FBXO43: variants seen among roughly 807,000 people sequenced by gnomAD.
The protein encoded by FBXO43 is F-box only protein 43.
In FBXO43, 22 loss-of-function variants were observed where a neutral mutation model predicts 56.7. The observed-to-expected ratio is 0.39, with a 90% CI of 0.28 to 0.55. The LOEUF is 0.55. Ranked by LOEUF, FBXO43 falls within the 20% of genes least tolerant of loss-of-function variation. FBXO43 has a pLI of 0.66. For missense variants in FBXO43, 733 were observed against 814.9 expected (o/e 0.90, Z 1.22); for synonymous variants, 306 against 294.5 (o/e 1.04, Z -0.40).
rs561005871 is a variant in FBXO43 at position 100,137,615 on chromosome 8, C to A, written c.1624G>T (p.Ala542Ser). 6.2e-7 allele frequency: 1 copy of A among 1,613,026 alleles called. No individual in the cohort carries two copies. The highest frequency in any genetic ancestry group is 1.7e-5 in the Admixed American group (1 of 59,618). Residue 542 changes from alanine to serine, a missense_variant, in exon 3 of 5, where the codon GCA (alanine) becomes TCA (serine). Transcript: ENST00000428847. The stretch of plus-strand genomic sequence containing the variant: ...ATATAAAATTTCCTCCTCCGATTTG[C>A]ATTTTTATCTTGAACAACAATTTCA... ...WREIVVQDKNANRRRKFYITQ... is the reference protein window; with the variant it reads ...WREIVVQDKNSNRRRKFYITQ...
intron 3 of FBXO43, among the ~76,000 whole-genome samples, chr8:100,135,993 CAAT>C (rs1225111430): frequency 1.3e-5 from 2 of 150,664 alleles, no homozygotes; most frequent in East Asian, 3.9e-4. Context: ...GCCAGCACAA[CAAT>C]ATGCTTCTTC....
upstream of FBXO43, among the ~76,000 whole-genome samples, chr8:100,150,182 A>G (rs1814892549): frequency 6.6e-6 from 1 of 152,242 alleles, no homozygotes; most frequent in Non-Finnish European, 1.5e-5. Context: ...CAAAATCAAG[A>G]GAAAGGTAGG....
chr8:100,146,399 C>T (rs541219563), upstream of FBXO43, among the ~76,000 whole-genome samples: 94 of 152,086 alleles, frequency 6.2e-4, no homozygotes, highest in African/African-American at 2.2e-3. Flanking sequence ...GAATTTGAGA[C>T]CAGCCTGGGC....
intron 2 of FBXO43, among the ~76,000 whole-genome samples, 177 bp from the exon 3 acceptor site, chr8:100,137,844 A>G (rs1446436746): frequency 1.3e-5 from 2 of 150,860 alleles, no homozygotes; most frequent in Admixed American, 6.6e-5. Flanking sequence ...AATTCATCAT[A>G]TAAAAGAATT....
chr8:100,139,865 C>A (rs1362080009), intron 2 of FBXO43, among the ~76,000 whole-genome samples: 4 of 152,252 alleles, frequency 2.6e-5, no homozygotes, highest in Admixed American at 1.3e-4. Flanking sequence ...AAAGATCAAA[C>A]CCTAAAATGA....
intron 1 of FBXO43, 71 bp downstream of exon 1, chr8:100,144,980 T>C (rs1161928087): frequency 5.5e-6 from 8 of 1,458,484 alleles, no homozygotes; most frequent in Non-Finnish European, 7.3e-6. Flanking sequence ...AAAAAGCACC[T>C]ACCACATCAG....
At position 100,145,395 on chromosome 8, in the gene FBXO43, T is replaced by C; in HGVS notation, c.-260A>G. 3.0e-6 allele frequency: 1 copy of C among 337,330 alleles called. No individual in the cohort carries two copies. The highest frequency in any genetic ancestry group is 5.4e-6 in the Non-Finnish European group (1 of 186,064). 20.9% of individuals were successfully genotyped at this position (337,330 alleles called of 1,614,324 possible). A position where few individuals can be genotyped will look rare whatever the true frequency, so the allele number is the denominator to read the frequency against. On this transcript the variant is annotated 5_prime_UTR_variant, in exon 1 of 5. Transcript: ENST00000428847. ...TTCGGGTTCCTGAAAAGGCAGCGTGTGCTGCAGCCTGGCACTGACTCCCCC... is the reference window on the plus strand; with the variant it reads ...TTCGGGTTCCTGAAAAGGCAGCGTGCGCTGCAGCCTGGCACTGACTCCCCC...
intron 1 of FBXO43, 73 bp downstream of exon 1, chr8:100,144,978 C>T (rs536109906): frequency 2.8e-6 from 4 of 1,453,792 alleles, no homozygotes; most frequent in Admixed American, 5.6e-5. Context: ...AGAAAAAGCA[C>T]CTACCACATC....
upstream of FBXO43, among the ~76,000 whole-genome samples, chr8:100,146,704 T>G (rs565970053): frequency 6.6e-6 from 1 of 152,176 alleles, no homozygotes; most frequent in Non-Finnish European, 1.5e-5. Flanking sequence ...TACCTCAGCA[T>G]TTTTATTAGT....
intron 3 of FBXO43, chr8:100,137,308 C>T (rs2446921): frequency 0.38 from 105,615 of 276,012 alleles, 20,736 homozygotes; most frequent in East Asian, 0.54. Context: ...GATCCGCCCG[C>T]CTCGGCCTCC....
At chr8:100,143,987 G>T (rs1007218872) in intron 1 of FBXO43, among the ~76,000 whole-genome samples, 1 of 152,188 alleles carries the variant, frequency 6.6e-6, no homozygotes, top group Non-Finnish European at 1.5e-5. Flanking sequence ...GGCCAGGCTG[G>T]TCTCGAACTC....
At position 100,137,583 on chromosome 8, in the gene FBXO43, TTG is replaced by T; in HGVS notation, c.1654_1655del (p.Gln552ThrfsTer6). The T allele has an allele frequency of 6.2e-7, 1 of 1,609,426 alleles. No individual in the cohort carries two copies. ...ACATTACCTCAGAATCTGTTTTCAG[TTG>T]TGTGATATAAAATTTCCTCCTCCGA... ...ANRRRKFYIT[Q>X]LKTDSEGAVL... On this transcript the variant is annotated frameshift_variant, in exon 3 of 5. Coordinates refer to ENST00000428847, the MANE Select transcript of FBXO43 (RefSeq NM_001029860.4). LOFTEE classifies it high-confidence loss of function.
At chr8:100,140,001 C>T (rs969343674) in intron 2 of FBXO43, among the ~76,000 whole-genome samples, 16 of 152,180 alleles carry the variant, frequency 1.1e-4, no homozygotes, top group African/African-American at 3.9e-4. Flanking sequence ...TTTAATACTG[C>T]TTGCAATCTG....
At chr8:100,136,606 C>T (rs1814477375) in intron 3 of FBXO43, among the ~76,000 whole-genome samples, 1 of 152,200 alleles carries the variant, frequency 6.6e-6, no homozygotes, top group Admixed American at 6.5e-5. Context: ...TGATGCTTCA[C>T]AGGTACTGAT....
intron 2 of FBXO43, 134 bp from the exon 3 acceptor site, chr8:100,137,801 A>G (rs763914506): frequency 1.6e-6 from 1 of 640,782 alleles, no homozygotes; most frequent in Non-Finnish European, 2.8e-6. Context: ...TTTACATAAA[A>G]ATGTGACTTG....
chr8:100,146,335 G>C (rs908531709), upstream of FBXO43, among the ~76,000 whole-genome samples: 2 of 152,144 alleles, frequency 1.3e-5, no homozygotes, highest in Non-Finnish European at 2.9e-5. Context: ...AGCCGGGCCT[G>C]GTGGCTCACA....
At chr8:100,147,353 A>G (rs1158670753), upstream of FBXO43, among the ~76,000 whole-genome samples, 3 of 152,236 alleles carry the variant, frequency 2.0e-5, no homozygotes, top group African/African-American at 7.2e-5. Flanking sequence ...TTTGATGTAC[A>G]AGTGGCAATT....
chr8:100,135,057 C>T (rs1814429172), intron 3 of FBXO43, among the ~76,000 whole-genome samples: 1 of 152,126 alleles, frequency 6.6e-6, no homozygotes, highest in Non-Finnish European at 1.5e-5. Context: ...AGAGAAAAAA[C>T]TATGCAATTA....
chr8:100,134,519 C>CA (rs1417782969), intron 3 of FBXO43, among the ~76,000 whole-genome samples, 155 bp from the exon 4 acceptor site: 2 of 151,576 alleles, frequency 1.3e-5, no homozygotes, highest in African/African-American at 2.4e-5. Flanking sequence ...ACAAACAAAA[C>CA]AAAAAACCAA....
Sources: allele counts gnomAD v4.1 joint callset (sites outside exome capture counted in the v4.1 genomes callset), GRCh38; gene constraint gnomAD v4.1.1; transcripts MANE v1.5; gene names NCBI Gene and HGNC (gene_info 2026-07-23, HGNC 2026-07-21).